Variants in GSTO2 observed in about 807,000 individuals in gnomAD.
The protein encoded by GSTO2 is glutathione S-transferase omega 2, also known as glutathione S-transferase omega-2.
Under a neutral mutation model 28.4 loss-of-function variants are expected in GSTO2, and 23 were observed. The observed-to-expected ratio is 0.81, with a 90% CI of 0.58 to 1.15. The LOEUF (loss-of-function observed/expected upper bound fraction) is 1.15, where lower values mean the gene tolerates loss of function less well. Ranked by LOEUF, GSTO2 falls within the 50% of genes most tolerant of loss-of-function variation. GSTO2 has a pLI of 0.00. For missense variants in GSTO2, 298 were observed against 297.8 expected (o/e 1.00, Z 0.00); for synonymous variants, 109 against 111.0 (o/e 0.98, Z 0.11).
intron 5 of GSTO2, among the ~76,000 whole-genome samples, chr10:104,286,257 A>G (rs1183387790): frequency 6.6e-6 from 1 of 152,024 alleles, no homozygotes; most frequent in African/African-American, 2.4e-5. Context: ...GTCATTTTCC[A>G]TTTCTTCTCA....
intron 6 of GSTO2, among the ~76,000 whole-genome samples, chr10:104,297,973 G>A (rs1169885418): frequency 1.3e-5 from 2 of 152,204 alleles, no homozygotes; most frequent in African/African-American, 4.8e-5. Context: ...CGGTCTGAGA[G>A]CAAGTGGAGA....
chr10:104,275,253 A>T lies in GSTO2; in HGVS notation c.62A>T (p.Glu21Val). Reference sequence around the variant, plus strand: ...AGCCAGCCCCCAGGGCCAGTCCCGGAGGGGCTGATCCGCATCTACAGCATG... The same window carrying T: ...AGCCAGCCCCCAGGGCCAGTCCCGGTGGGGCTGATCCGCATCTACAGCATG... ...KGSQPPGPVP[E>V]GLIRIYSMRF... is the part of the protein sequence containing the mutation. Residue 21 changes from glutamate to valine, a missense_variant, in exon 3 of 7, where the codon GAG becomes GTG. Transcript: ENST00000338595. 1 of 1,613,780 alleles carries T rather than the reference A, an allele frequency of 6.2e-7. No homozygotes were observed.
At chr10:104,278,747 C>T (rs1006692954) in intron 4 of GSTO2, among the ~76,000 whole-genome samples, 3 of 152,226 alleles carry the variant, frequency 2.0e-5, no homozygotes, top group African/African-American at 7.2e-5. Context: ...TCCCAAAGTG[C>T]TAGGATTACA....
chr10:104,274,667 T>C lies in GSTO2; in HGVS notation c.-231-18T>C. 2 of 572,168 alleles carry C rather than the reference T, an allele frequency of 3.5e-6. No homozygotes were observed. The highest frequency in any genetic ancestry group is 6.2e-5 in the East Asian group (2 of 32,092). 35.4% of individuals were successfully genotyped at this position (572,168 alleles called of 1,614,324 possible). On this transcript the variant is annotated intron_variant, in intron 1 of 6. Transcript: ENST00000338595. ...GAGCTTTTCTGGTGTTATTTTGTCTTGTTTTGTTTTTTGCCAGCTCCTACT... is the reference window on the plus strand; with the variant it reads ...GAGCTTTTCTGGTGTTATTTTGTCTCGTTTTGTTTTTTGCCAGCTCCTACT...
rs959387902 is a variant in GSTO2, at chr10:104,301,760, A to G, written c.*2476A>G. 6.6e-6 allele frequency: 1 copy of G among 152,166 alleles called. No individual in the cohort carries two copies. The highest frequency in any genetic ancestry group is 2.4e-5 in the African/African-American group (1 of 41,434). The allele number at this position is 152,166 out of a possible 1,614,324, so 9.4% of individuals were successfully genotyped here. A position where few individuals can be genotyped will look rare whatever the true frequency, so the allele number is the denominator to read the frequency against. ...TTTTTTTCCCCTTTTCTTTTAAATA[A>G]TAGAGATGGGGTTTCGCTATGTTGA... On this transcript the variant is annotated 3_prime_UTR_variant, in exon 7 of 7. Transcript: ENST00000338595.
intron 2 of GSTO2, 98 bp downstream of exon 2, chr10:104,275,047 G>T (rs2011561183): frequency 6.7e-7 from 1 of 1,497,604 alleles, no homozygotes; most frequent in Middle Eastern, 1.8e-4. Context: ...AGACCGGCGG[G>T]GCAGGAAGGG....
At chr10:104,277,015 C>G (rs2135095805) in intron 3 of GSTO2, among the ~76,000 whole-genome samples, 2 of 152,272 alleles carry the variant, frequency 1.3e-5, no homozygotes, top group South Asian at 4.1e-4. Flanking sequence ...TACATATCCC[C>G]ACCACAGTAC....
At position 104,303,715 on chromosome 10, in the gene GSTO2, G is replaced by A. The variant is rs759695447; in HGVS notation, c.*4431G>A. 3 of 152,216 alleles carry A rather than the reference G, an allele frequency of 2.0e-5. No homozygotes were observed. The highest frequency in any genetic ancestry group is 4.4e-5 in the Non-Finnish European group (3 of 68,048). The allele number at this position is 152,216 out of a possible 1,614,324, so 9.4% of individuals were successfully genotyped here. On this transcript the variant is annotated 3_prime_UTR_variant, in exon 7 of 7. Transcript: ENST00000338595. ...CCAAGTGCTAATGGCCAAGAAAATG[G>A]GGAAAAGGCCTTGAAGGCATTTCAG...
Position 104,272,462 on chromosome 10 carries a change from C to T in GSTO2, c.-231-2223C>T, listed in dbSNP as rs966837616. 1.3e-4 allele frequency among the ~76,000 whole-genome samples: 20 copies of T among 152,170 alleles called. 1 individual carries two copies. The highest frequency in any genetic ancestry group is 5.2e-4 in the Admixed American group (8 of 15,290). ...CTAAGATACTGGTTGAGATTGTTGC[C>T]GCTGGAGTCAAACTTCCAGGGTTCC... On this transcript the variant is annotated intron_variant, in intron 1 of 6. Coordinates refer to ENST00000338595, the MANE Select transcript of GSTO2 (RefSeq NM_183239.2).
chr10:104,280,256 T>C (rs757487140), intron 5 of GSTO2, among the ~76,000 whole-genome samples: 3 of 151,786 alleles, frequency 2.0e-5, no homozygotes, highest in Non-Finnish European at 4.4e-5. Flanking sequence ...GAACTGAAGC[T>C]TTTTCTCTTT....
At chr10:104,291,178 T>G (rs2135132745) in intron 5 of GSTO2, 1 of 152,334 alleles carries the variant, frequency 6.6e-6, no homozygotes, top group African/African-American at 2.4e-5. Context: ...TCTGCTTTTT[T>G]GGGGGGCAGA....
Position 104,299,332 on chromosome 10 carries a change from G to C in GSTO2, c.*48G>C. 1 of 1,604,560 alleles carries C rather than the reference G, an allele frequency of 6.2e-7. No homozygotes were observed. Among genetic ancestry groups the C allele is most frequent in the Non-Finnish European group, 8.5e-7 (1 of 1,174,020 alleles). ...TGTCCAGAATTCCCCAGCTTGTTGG[G>C]AGTCTACGTCACGGCTTGTCTTGGG... On this transcript the variant is annotated 3_prime_UTR_variant, in exon 7 of 7. Coordinates refer to ENST00000338595, the MANE Select transcript of GSTO2 (RefSeq NM_183239.2).
chr10:104,274,780 C>A lies in GSTO2; in HGVS notation c.-136C>A. On this transcript the variant is annotated 5_prime_UTR_variant, in exon 2 of 7. Transcript: ENST00000338595. ...ATCGCTTCCCCGTGCCCCGCCAGAG[C>A]CCAGTAGTTCAAAAATTAAATTTGG... 9.4e-7 allele frequency: 1 copy of A among 1,066,388 alleles called. No homozygotes were observed. The highest frequency in any genetic ancestry group is 1.4e-6 in the Non-Finnish European group (1 of 713,278). 66.1% of individuals were successfully genotyped at this position (1,066,388 alleles called of 1,614,324 possible). A position where few individuals can be genotyped will look rare whatever the true frequency, so the allele number is the denominator to read the frequency against.
At chr10:104,281,405 GA>G (rs559244996) in intron 5 of GSTO2, among the ~76,000 whole-genome samples, 75 of 148,044 alleles carry the variant, frequency 5.1e-4, no homozygotes, top group East Asian at 2.1e-3. Context: ...AAGGAGCTGG[GA>G]AAAAAAAAAC....
At chr10:104,275,155 T>G in intron 2 of GSTO2, 71 bp from the exon 3 acceptor site, 1 of 1,542,182 alleles carries the variant, frequency 6.5e-7, no homozygotes, top group African/African-American at 1.4e-5. Context: ...TCTGGGCAAG[T>G]GAGCGAGCTC....
intron 5 of GSTO2, among the ~76,000 whole-genome samples, chr10:104,281,858 T>A (rs1203066318): frequency 6.6e-6 from 1 of 151,986 alleles, no homozygotes; most frequent in Non-Finnish European, 1.5e-5. Flanking sequence ...AGAAGGCTGG[T>A]CTGTGGGGGT....
In GSTO2 at chr10:104,297,660, G is replaced by C. The variant is rs775877546; in HGVS notation, c.551G>C (p.Arg184Pro). The change falls in exon 6 of 7, where the codon CGG becomes CCG. Residue 184 changes from arginine (R) to proline (P), a missense_variant. By Grantham distance (103) the Arg-to-Pro change is moderately radical. Transcript: ENST00000338595. ...TACCTCCTCTGGCCCTGGTTTGAGC[G>C]GCTGGATGTGTATGGGATACTGGAG... ...IDYLLWPWFE[R>P]LDVYGILDCV... 6.2e-7 allele frequency: 1 copy of C among 1,613,110 alleles called. No individual in the cohort carries two copies. Among genetic ancestry groups the C allele is most frequent in the South Asian group, 1.1e-5 (1 of 91,074 alleles).
chr10:104,284,214 G>T lies in GSTO2; in HGVS notation c.468+4743G>T, dbSNP rs907834957. Among the ~76,000 whole-genome samples the T allele has an allele frequency of 8.5e-5, 13 of 152,162 alleles. No homozygotes were observed. The East Asian group carries it at 2.5e-3, about 29-fold the overall frequency. Reference sequence around the variant, plus strand: ...ATCTCTACAAAAAATACAAAAATTAGTTGGATGTGGTGATGCATACCCGTG... The same window carrying T: ...ATCTCTACAAAAAATACAAAAATTATTTGGATGTGGTGATGCATACCCGTG... On this transcript the variant is annotated intron_variant, in intron 5 of 6. Transcript: ENST00000338595.
intron 3 of GSTO2, among the ~76,000 whole-genome samples, chr10:104,276,873 T>C (rs2011660748): frequency 6.6e-6 from 1 of 152,230 alleles, no homozygotes; most frequent in Non-Finnish European, 1.5e-5. Flanking sequence ...GGTAACTATA[T>C]AGTTATCTAA....
Sources: gnomAD v4.1 joint callset for allele counts (sites outside exome capture counted in the v4.1 genomes callset) on GRCh38, gnomAD v4.1.1 for gene constraint, MANE v1.5 for transcripts, NCBI Gene and HGNC (gene_info 2026-07-23, HGNC 2026-07-21) for gene names.